ATP10A: variants seen among roughly 807,000 people sequenced by gnomAD.
ATP10A encodes the protein phospholipid-transporting ATPase VA.
ATP10A carries 111 observed loss-of-function variants against 147.8 expected under a neutral mutation model. That is an observed-to-expected ratio of 0.75 (90% confidence interval 0.64 to 0.88). ATP10A has a LOEUF of 0.88. ATP10A is among the 40% of genes least tolerant of loss of function. The pLI is 0.00. For synonymous variants in ATP10A, 875 were observed against 841.6 expected (o/e 1.04, Z -0.69); for missense variants, 1,927 against 1,959.0 (o/e 0.98, Z 0.31).
Position 25,680,271 on chromosome 15 carries a change from AG to A in ATP10A, c.3715del (p.Leu1239PhefsTer8), listed in dbSNP as rs1567294699. On this transcript the variant is annotated frameshift_variant, in exon 20 of 21. Transcript: ENST00000555815. LOFTEE classifies it high-confidence loss of function. The part of the protein sequence containing the change: ...LNWITCGFSV[L>X]LFFTVALIYN... ...AATCAAAGCCACGGTGAAAAACAAA[AG>A]GACACTGAAGCCACACGTTATCCAG... is the stretch of plus-strand genomic sequence containing the variant. 1.9e-6 allele frequency: 3 copies of A among 1,614,230 alleles called. No homozygotes were observed. The Admixed American group carries it at 5.0e-5, about 27-fold the overall frequency.
intron 1 of ATP10A, among the ~76,000 whole-genome samples, chr15:25,810,091 C>T (rs537505076): frequency 6.6e-6 from 1 of 152,166 alleles, no homozygotes; most frequent in African/African-American, 2.4e-5. Flanking sequence ...CAACTAGAAC[C>T]CTTGCTGAGG....
intron 1 of ATP10A, among the ~76,000 whole-genome samples, chr15:25,796,657 C>T (rs1245907582): frequency 6.6e-6 from 1 of 152,196 alleles, no homozygotes; most frequent in South Asian, 2.1e-4. Context: ...CATGGACCCT[C>T]CACAGGTGAG....
downstream of ATP10A, among the ~76,000 whole-genome samples, chr15:25,676,113 A>G (rs1899131054): frequency 6.6e-6 from 1 of 152,196 alleles, no homozygotes; most frequent in South Asian, 2.1e-4. Context: ...CAGGGTGAAC[A>G]CTTATGAAAG....
chr15:25,731,101 T>C (rs899182505), intron 3 of ATP10A, among the ~76,000 whole-genome samples: 8 of 152,162 alleles, frequency 5.3e-5, no homozygotes, highest in African/African-American at 1.9e-4. Context: ...AACCACCGTC[T>C]CTGAAGGGTG....
At chr15:25,732,932 G>A (rs1338854300) in intron 3 of ATP10A, among the ~76,000 whole-genome samples, 2 of 152,076 alleles carry the variant, frequency 1.3e-5, no homozygotes, top group Non-Finnish European at 2.9e-5. Context: ...AGGTTGACAG[G>A]CAGTCGATGA....
rs1484966478 is a variant in ATP10A at position 25,818,094 on chromosome 15, A to C, written c.450-36871T>G. Among the ~76,000 whole-genome samples, 6 of 128,824 alleles carry C rather than the reference A, an allele frequency of 4.7e-5. No individual in the cohort carries two copies. In the South Asian group the frequency reaches 1.2e-3, roughly 27 times the overall value. The allele number at this position is 128,824 out of a possible 152,430, so 84.5% of individuals were successfully genotyped here. ...TAAAAAATTATTTTTAAAAAAAGCAATTTGCATGGAAATTGTTTGAAACAT... is the reference window on the plus strand; with the variant it reads ...TAAAAAATTATTTTTAAAAAAAGCACTTTGCATGGAAATTGTTTGAAACAT... On this transcript the variant is annotated intron_variant, in intron 1 of 20. Coordinates refer to ENST00000555815, the MANE Select transcript of ATP10A (RefSeq NM_024490.4).
rs1011939522 is a variant in ATP10A, at chr15:25,863,207, G to A, written c.-111C>T. 2 of 760,456 alleles carry A rather than the reference G, an allele frequency of 2.6e-6. No homozygotes were observed. The highest frequency in any genetic ancestry group is 3.3e-6 in the Non-Finnish European group (2 of 608,522). 47.1% of individuals were successfully genotyped at this position (760,456 alleles called of 1,614,324 possible). A position where few individuals can be genotyped will look rare whatever the true frequency, so the allele number is the denominator to read the frequency against. The stretch of plus-strand genomic sequence containing the variant: ...GCGGCGGTGCGAGCTCCCCGCCTGC[G>A]GGACGCACGGAGACCGCGGTCAGCG... On this transcript the variant is annotated 5_prime_UTR_variant, in exon 1 of 21. Coordinates refer to ENST00000555815, the MANE Select transcript of ATP10A (RefSeq NM_024490.4).
At chr15:25,795,821 G>A (rs916981252) in intron 1 of ATP10A, among the ~76,000 whole-genome samples, 7 of 152,198 alleles carry the variant, frequency 4.6e-5, no homozygotes, top group Admixed American at 1.3e-4. Flanking sequence ...TGTCTGGGTC[G>A]TGGGGGTGGA....
chr15:25,676,451 G>T (rs550532045), downstream of ATP10A, among the ~76,000 whole-genome samples: 3 of 152,168 alleles, frequency 2.0e-5, no homozygotes, highest in Non-Finnish European at 2.9e-5. Flanking sequence ...CTTACAGCTG[G>T]GGCCTGCATT....
intron 2 of ATP10A, among the ~76,000 whole-genome samples, chr15:25,746,128 C>A (rs1409888046): frequency 6.6e-6 from 1 of 151,938 alleles, no homozygotes; most frequent in Admixed American, 6.6e-5. Context: ...GAAGAAAGAC[C>A]TAAAGCATGC....
intron 1 of ATP10A, chr15:25,862,358 G>C: frequency 1.6e-6 from 1 of 612,694 alleles, no homozygotes; most frequent in Non-Finnish European, 3.1e-6. Flanking sequence ...GATGTCCAGC[G>C]GCCGTCGGTT....
intron 5 of ATP10A, among the ~76,000 whole-genome samples, chr15:25,724,813 C>T (rs1470996425): frequency 6.6e-6 from 1 of 152,244 alleles, no homozygotes; most frequent in African/African-American, 2.4e-5. Context: ...ACATTACAGT[C>T]AGCTCTCAGT....
intron 1 of ATP10A, chr15:25,862,225 T>C (rs902594658): frequency 1.1e-5 from 5 of 465,952 alleles, no homozygotes; most frequent in South Asian, 6.2e-5. Flanking sequence ...TGAGCTTTAC[T>C]GTCCTGTGCC....
chr15:25,754,280 C>T (rs7179989), intron 2 of ATP10A, among the ~76,000 whole-genome samples: 7,038 of 152,130 alleles, frequency 0.046, 281 homozygotes, highest in African/African-American at 0.1. Flanking sequence ...ACAACAGGCG[C>T]GTGCCACCAT....
chr15:25,695,225 G>C, intron 13 of ATP10A, 79 bp from the exon 14 acceptor site: 2 of 1,365,278 alleles, frequency 1.5e-6, no homozygotes, highest in Non-Finnish European at 2.0e-6. Flanking sequence ...AACACCTCTG[G>C]AGCTGACATC....
Position 25,708,274 on chromosome 15 carries a change from T to A in ATP10A, c.2371A>T (p.Lys791Ter). 2 of 1,614,190 alleles carry A rather than the reference T, an allele frequency of 1.2e-6. No individual in the cohort carries two copies. Among genetic ancestry groups the A allele is most frequent in the Non-Finnish European group, 8.5e-7 (1 of 1,180,036 alleles). The change falls in exon 11 of 21, where the codon AAG becomes TAG. Residue 791 changes from lysine (K) to a stop codon, truncating the protein, a stop_gained. Transcript: ENST00000555815. LOFTEE classifies it high-confidence loss of function. ...TAATTCTGAGTTTTGCTCCGAATCT[T>A]TTTTTGATGCCTCCCTCTGGCGTCA... ...SVDARGRHQK[K>*]IRSKTQNYLN...
chr15:25,796,565 A>T (rs1205820928), intron 1 of ATP10A, among the ~76,000 whole-genome samples: 31 of 152,202 alleles, frequency 2.0e-4, no homozygotes, highest in Admixed American at 2.0e-3. Flanking sequence ...CAAACGTGGT[A>T]CTCATGAGTC....
intron 1 of ATP10A, among the ~76,000 whole-genome samples, chr15:25,795,001 T>C (rs1045288143): frequency 2.0e-5 from 3 of 152,220 alleles, no homozygotes; most frequent in African/African-American, 7.2e-5. Flanking sequence ...AACTGGCTCA[T>C]ACCTCCCAAT....
chr15:25,770,195 A>T (rs1189972879), intron 2 of ATP10A, among the ~76,000 whole-genome samples: 3 of 150,632 alleles, frequency 2.0e-5, no homozygotes. Flanking sequence ...AGCCATCACA[A>T]CACGACCCGG....
Sources: gnomAD v4.1 joint callset for allele counts (sites outside exome capture counted in the v4.1 genomes callset) on GRCh38, gnomAD v4.1.1 for gene constraint, MANE v1.5 for transcripts, NCBI Gene and HGNC (gene_info 2026-07-23, HGNC 2026-07-21) for gene names.